The following DOCK3 variants were observed in gnomAD, a reference collection of about 807,000 sequenced individuals.
DOCK3 encodes the protein dedicator of cytokinesis protein 3.
In DOCK3, 60 loss-of-function variants were observed where a neutral mutation model predicts 265.6. The observed-to-expected ratio is 0.23, with a 90% CI of 0.18 to 0.28. DOCK3 has a LOEUF of 0.28. DOCK3 is among the 10% of genes least tolerant of loss of function. DOCK3 has a pLI of 1.00. For missense variants in DOCK3, 1,981 were observed against 2,594.3 expected, an observed-to-expected ratio of 0.76 and a Z score of 5.14; for synonymous variants, 881 against 938.0, an observed-to-expected ratio of 0.94 and a Z score of 1.11.
At chr3:51,278,272 T>A (rs1026848445) in intron 26 of DOCK3, 2 of 985,262 alleles carry the variant, frequency 2.0e-6, no homozygotes, top group Non-Finnish European at 2.4e-6. Flanking sequence ...ATAACGATTT[T>A]TCTGTGATCT....
intron 3 of DOCK3, among the ~76,000 whole-genome samples, chr3:50,874,464 A>C (rs1032955761): frequency 6.6e-6 from 1 of 151,906 alleles, no homozygotes; most frequent in Admixed American, 6.6e-5. Context: ...TAATTGTTCT[A>C]CTGCACTCCA....
Position 51,195,376 on chromosome 3 carries a change from T to G in DOCK3, c.1038-13398T>G, listed in dbSNP as rs148994912. ...CATTTGAGTTCTTTCTCTGTGTGAT[T>G]ACTTTGCCAAAGAGATTTATATTTT... is the stretch of plus-strand genomic sequence containing the variant. On this transcript the variant is annotated intron_variant, in intron 12 of 52. Transcript: ENST00000266037. Among the ~76,000 whole-genome samples the G allele has an allele frequency of 4.6e-5, 7 of 152,234 alleles. No homozygotes were observed. In the East Asian group the frequency reaches 1.4e-3, roughly 29 times the overall value.
At chr3:50,811,519 A>G (rs2043755443) in intron 2 of DOCK3, among the ~76,000 whole-genome samples, 1 of 152,240 alleles carries the variant, frequency 6.6e-6, no homozygotes. Flanking sequence ...GATTTTATAC[A>G]TATCAGTTTG....
intron 9 of DOCK3, among the ~76,000 whole-genome samples, chr3:51,097,408 C>T (rs1457985805): frequency 1.3e-5 from 2 of 152,194 alleles, no homozygotes; most frequent in African/African-American, 2.4e-5. Flanking sequence ...TACATTGTGA[C>T]AGGAAAACTG....
intron 4 of DOCK3, among the ~76,000 whole-genome samples, chr3:50,894,036 G>A (rs572248488): frequency 6.6e-6 from 1 of 151,138 alleles, no homozygotes; most frequent in South Asian, 2.1e-4. Context: ...TGTAAATGAC[G>A]AGTTAATGGG....
At chr3:51,316,637 G>C (rs989648204) in intron 32 of DOCK3, among the ~76,000 whole-genome samples, 3 of 152,142 alleles carry the variant, frequency 2.0e-5, no homozygotes, top group African/African-American at 7.2e-5. Context: ...TTATCTGTTC[G>C]TTTGTTTTAG....
intron 6 of DOCK3, among the ~76,000 whole-genome samples, chr3:51,068,966 TTTA>T (rs1173436533): frequency 2.0e-5 from 3 of 152,222 alleles, no homozygotes; most frequent in Non-Finnish European, 2.9e-5. Context: ...ATAACAATTT[TTTA>T]TTTTGTTTCC....
rs529870992 is a variant in DOCK3, at chr3:51,212,465, C to T, written c.1127-1657C>T. ...TTTTTTTTTTGCTTTTGCCTTCCAA[C>T]CACAACCCCCTCAAATTATGGAGAC... On this transcript the variant is annotated intron_variant, in intron 13 of 52. Transcript: ENST00000266037. 2.3e-3 allele frequency among the ~76,000 whole-genome samples: 326 copies of T among 144,446 alleles called. 1 individual carries two copies. Among genetic ancestry groups the T allele is most frequent in the African/African-American group, 8.1e-3 (313 of 38,720 alleles). 94.8% of individuals were successfully genotyped at this position (144,446 alleles called of 152,430 possible). A position where few individuals can be genotyped will look rare whatever the true frequency, so the allele number is the denominator to read the frequency against.
rs570607929 is a variant in DOCK3, at chr3:50,993,202, A to G, written c.315+59125A>G. 1.8e-4 allele frequency among the ~76,000 whole-genome samples: 28 copies of G among 152,262 alleles called. 1 individual carries two copies. In the South Asian group the frequency reaches 5.6e-3, roughly 30 times the overall value. ...AGACTCTCCACTTGAGTGAGCTTTC[A>G]TATCTGTCCCCTTGGCTAAAAGAGC... On this transcript the variant is annotated intron_variant, in intron 5 of 52. Transcript: ENST00000266037.
intron 1 of DOCK3, among the ~76,000 whole-genome samples, chr3:50,772,664 A>C (rs1382545556): frequency 8.5e-5 from 13 of 152,216 alleles, no homozygotes; most frequent in Non-Finnish European, 1.8e-4. Context: ...AATCTCAAAA[A>C]GAAATCAAGA....
chr3:51,146,676 G>A (rs1324309279), intron 10 of DOCK3, 46 bp downstream of exon 10: 1 of 1,531,924 alleles, frequency 6.5e-7, no homozygotes, highest in South Asian at 1.2e-5. Flanking sequence ...ACTCTAACCA[G>A]TGGCCTGCTA....
At chr3:51,076,048 A>G (rs185816580) in intron 7 of DOCK3, among the ~76,000 whole-genome samples, 1 of 152,318 alleles carries the variant, frequency 6.6e-6, no homozygotes, top group Admixed American at 6.5e-5. Context: ...TATGTATTTG[A>G]TGAGTATATA....
chr3:50,772,016 C>G (rs1681745950), intron 1 of DOCK3, among the ~76,000 whole-genome samples: 1 of 152,170 alleles, frequency 6.6e-6, no homozygotes, highest in African/African-American at 2.4e-5. Flanking sequence ...GCACTGTTCA[C>G]AATAGCCAAG....
At chr3:50,948,169 G>A (rs2076487830) in intron 5 of DOCK3, among the ~76,000 whole-genome samples, 1 of 150,858 alleles carries the variant, frequency 6.6e-6, no homozygotes, top group South Asian at 2.1e-4. Context: ...CTGTTCTCCT[G>A]CCTTGGCCTC....
intron 1 of DOCK3, among the ~76,000 whole-genome samples, chr3:50,757,288 C>T (rs1448229832): frequency 1.3e-5 from 2 of 149,032 alleles, no homozygotes; most frequent in East Asian, 4.0e-4. Context: ...TCTCCTGCCT[C>T]AGCCTCCTAA....
chr3:50,883,741 A>C (rs1013601632), intron 3 of DOCK3, among the ~76,000 whole-genome samples: 1 of 152,184 alleles, frequency 6.6e-6, no homozygotes, highest in Non-Finnish European at 1.5e-5. Flanking sequence ...TATTTTTCAA[A>C]AATCTAGAAT....
intron 24 of DOCK3, among the ~76,000 whole-genome samples, chr3:51,272,588 G>C (rs914785223): frequency 3.3e-5 from 5 of 151,680 alleles, no homozygotes; most frequent in African/African-American, 1.2e-4. Context: ...CGCCCGGCCA[G>C]GTTTGACTTT....
intron 5 of DOCK3, among the ~76,000 whole-genome samples, chr3:51,052,454 T>G (rs986110351): frequency 6.6e-6 from 1 of 152,204 alleles, no homozygotes; most frequent in African/African-American, 2.4e-5. Flanking sequence ...GAGCCGTGAT[T>G]GTGCCACTGT....
intron 22 of DOCK3, among the ~76,000 whole-genome samples, chr3:51,255,106 T>C (rs1452186619): frequency 6.6e-6 from 1 of 152,250 alleles, no homozygotes; most frequent in Non-Finnish European, 1.5e-5. Flanking sequence ...TAAAGGATTT[T>C]ATTTCTCTTT....
Sources: allele counts gnomAD v4.1 joint callset (sites outside exome capture counted in the v4.1 genomes callset), GRCh38; gene constraint gnomAD v4.1.1; transcripts MANE v1.5; gene names NCBI Gene and HGNC (gene_info 2026-07-23, HGNC 2026-07-21).